Variants in HDAC4 observed in about 807,000 individuals in gnomAD.
HDAC4 encodes histone deacetylase A.
A neutral mutation model predicts 135.1 loss-of-function variants in HDAC4; 16 were observed. That is an observed-to-expected ratio of 0.12 (90% CI 0.08 to 0.18). HDAC4 has a LOEUF of 0.18. Ranked by LOEUF, HDAC4 falls within the 10% of genes least tolerant of loss-of-function variation. The pLI is 1.00. For missense variants in HDAC4, 1,143 were observed against 1,511.8 expected, an observed-to-expected ratio of 0.76 and a Z score of 4.05; for synonymous variants, 685 against 653.4, an observed-to-expected ratio of 1.05 and a Z score of -0.74.
chr2:239,270,657 C>T (rs1015238150), intron 2 of HDAC4, among the ~76,000 whole-genome samples: 1 of 152,216 alleles, frequency 6.6e-6, no homozygotes, highest in Non-Finnish European at 1.5e-5. Context: ...TTGCATTCAG[C>T]ATTTGTATAA....
chr2:239,126,721 C>T lies in HDAC4; in HGVS notation c.1295-27G>A, dbSNP rs2040216238. 1.9e-6 allele frequency: 3 copies of T among 1,609,326 alleles called. No homozygotes were observed. In the East Asian group the frequency reaches 6.7e-5, roughly 36 times the overall value. On this transcript the variant is annotated intron_variant, in intron 11 of 26. Coordinates refer to ENST00000543185, the MANE Select transcript of HDAC4 (RefSeq NM_001378414.1). Reference sequence around the variant, plus strand: ...TGAAGATAATTGGAGGAAGAAACAGCAGAGGGGAAGAGGAAGAAGAGAGGA... The same window carrying T: ...TGAAGATAATTGGAGGAAGAAACAGTAGAGGGGAAGAGGAAGAAGAGAGGA...
chr2:239,261,801 A>G (rs893073528), intron 2 of HDAC4, among the ~76,000 whole-genome samples: 2 of 152,228 alleles, frequency 1.3e-5, no homozygotes, highest in Non-Finnish European at 2.9e-5. Context: ...AAACCACCCC[A>G]GAACCTTCCC....
chr2:239,152,707 T>G (rs1279174184), intron 7 of HDAC4, among the ~76,000 whole-genome samples: 1 of 152,200 alleles, frequency 6.6e-6, no homozygotes, highest in Non-Finnish European at 1.5e-5. Context: ...CCCATCCTTG[T>G]GGTCCTTCTC....
intron 3 of HDAC4, among the ~76,000 whole-genome samples, chr2:239,194,555 A>T (rs1289181993): frequency 6.6e-6 from 1 of 152,116 alleles, no homozygotes; most frequent in Non-Finnish European, 1.5e-5. Flanking sequence ...CTTAAATTCC[A>T]CCACCTGTGA....
rs528583753 is a variant in HDAC4 at position 239,199,535 on chromosome 2, G to A, written c.95-9458C>T. 2.9e-4 allele frequency among the ~76,000 whole-genome samples: 43 copies of A among 146,882 alleles called. No individual in the cohort carries two copies. The East Asian group carries it at 6.6e-3, about 23-fold the overall frequency. Reference sequence around the variant, plus strand: ...CGGTTTGCCCATGTCTGAAAATCCTGAGTGGGTCTCGTGGCAGCCTCCAAA... The same window carrying A: ...CGGTTTGCCCATGTCTGAAAATCCTAAGTGGGTCTCGTGGCAGCCTCCAAA... On this transcript the variant is annotated intron_variant, in intron 3 of 26. Transcript: ENST00000543185.
chr2:239,395,319 G>T (rs1475483385), intron 1 of HDAC4, among the ~76,000 whole-genome samples: 1 of 152,154 alleles, frequency 6.6e-6, no homozygotes, highest in Admixed American at 6.5e-5. Context: ...GGAATGAGAG[G>T]TACAAACCTG....
intron 1 of HDAC4, among the ~76,000 whole-genome samples, chr2:239,367,575 A>G (rs1418699251): frequency 1.3e-5 from 2 of 152,224 alleles, no homozygotes; most frequent in Non-Finnish European, 2.9e-5. Context: ...ACCCAAGTGG[A>G]AAATTCCATA....
rs149988359 is a variant in HDAC4, at chr2:239,170,771, G to A, written c.490+5642C>T. Among the ~76,000 whole-genome samples, 17 of 152,304 alleles carry A rather than the reference G, an allele frequency of 1.1e-4. No individual in the cohort carries two copies. The East Asian group carries it at 1.5e-3, about 14-fold the overall frequency. On this transcript the variant is annotated intron_variant, in intron 5 of 26. Coordinates refer to ENST00000543185, the MANE Select transcript of HDAC4 (RefSeq NM_001378414.1). ...GGCCGAGGTCAGAAACAGGGACCGC[G>A]GGGAGCAGGACCCCACCCTCGGGTA... is the stretch of plus-strand genomic sequence containing the variant.
intron 3 of HDAC4, among the ~76,000 whole-genome samples, chr2:239,201,084 G>A (rs1408991362): frequency 4.6e-5 from 7 of 152,182 alleles, no homozygotes; most frequent in African/African-American, 1.7e-4. Context: ...ATTCATTTAA[G>A]GGACACCCCG....
chr2:239,077,462 G>A (rs1298244579), intron 22 of HDAC4, among the ~76,000 whole-genome samples: 3 of 152,260 alleles, frequency 2.0e-5, no homozygotes, highest in Non-Finnish European at 2.9e-5. Flanking sequence ...GCACTGTGCC[G>A]GCTCCACTGT....
chr2:239,352,191 G>A lies in HDAC4; in HGVS notation c.22+487C>T, dbSNP rs569803770. Among the ~76,000 whole-genome samples, 35 of 152,268 alleles carry A rather than the reference G, an allele frequency of 2.3e-4. No homozygotes were observed. The highest frequency in any genetic ancestry group is 4.1e-4 in the Non-Finnish European group (28 of 68,014). ...GGGCTGTACTAAATGCTTGTAAAAT[G>A]CTTAGTGCAGCCCCTCACAGAGGCC... On this transcript the variant is annotated intron_variant, in intron 2 of 26. Transcript: ENST00000543185. The surrounding 1 kb of genome is among the most constrained non-coding windows in gnomAD (Gnocchi z 4.4).
At chr2:239,249,352 A>G (rs1261587254) in intron 2 of HDAC4, among the ~76,000 whole-genome samples, 1 of 152,102 alleles carries the variant, frequency 6.6e-6, no homozygotes, top group Admixed American at 6.5e-5. Flanking sequence ...GCGGAGAGAG[A>G]GCTGGGAGAG....
intron 3 of HDAC4, among the ~76,000 whole-genome samples, chr2:239,219,866 G>A (rs951311141): frequency 6.6e-6 from 1 of 152,166 alleles, no homozygotes. Flanking sequence ...GTACCTTCGA[G>A]TAAAAACACA....
At chr2:239,108,377 C>A (rs2038352359) in intron 14 of HDAC4, among the ~76,000 whole-genome samples, 194 bp from the exon 15 acceptor site, 2 of 152,218 alleles carry the variant, frequency 1.3e-5, no homozygotes, top group Admixed American at 6.5e-5. Context: ...TGGACGAATG[C>A]AGAGGCCAGG....
At chr2:239,377,571 C>T (rs971301708) in intron 1 of HDAC4, among the ~76,000 whole-genome samples, 9 of 152,228 alleles carry the variant, frequency 5.9e-5, no homozygotes, top group African/African-American at 2.2e-4. Flanking sequence ...CCCAAAGGGA[C>T]CTATGATGTA....
intron 24 of HDAC4, among the ~76,000 whole-genome samples, chr2:239,061,600 C>T (rs942943171): frequency 6.6e-6 from 1 of 152,138 alleles, no homozygotes; most frequent in African/African-American, 2.4e-5. Context: ...TGTGTGTGTA[C>T]AAGAGGGTGG....
intron 26 of HDAC4, 133 bp downstream of exon 26, chr2:239,053,327 A>G: frequency 7.4e-7 from 1 of 1,347,864 alleles, no homozygotes; most frequent in Non-Finnish European, 1.0e-6. Context: ...CACTGGAAGG[A>G]GGGGGCCACA....
At chr2:239,093,216 C>T (rs562996684) in intron 17 of HDAC4, among the ~76,000 whole-genome samples, 6 of 152,322 alleles carry the variant, frequency 3.9e-5, no homozygotes, top group African/African-American at 9.6e-5. Context: ...CATTTCCCAG[C>T]GCCGAGGAGT....
At chr2:239,380,977 G>A (rs544561942) in intron 1 of HDAC4, among the ~76,000 whole-genome samples, 1 of 152,136 alleles carries the variant, frequency 6.6e-6, no homozygotes, top group East Asian at 1.9e-4. Flanking sequence ...ACGGGTTCAC[G>A]TCCTGATAGC....
Sources: allele counts gnomAD v4.1 joint callset (sites outside exome capture counted in the v4.1 genomes callset), GRCh38; gene constraint gnomAD v4.1.1; non-coding constraint Gnocchi (gnomAD v3.1); transcripts MANE v1.5; gene names NCBI Gene and HGNC (gene_info 2026-07-23, HGNC 2026-07-21).